TBC1D4: variants seen among roughly 807,000 people sequenced by gnomAD.
The protein encoded by TBC1D4 is TBC (Tre-2, BUB2, CDC16) domain-containing protein.
Under a neutral mutation model 142.5 loss-of-function variants are expected in TBC1D4, and 121 were observed. The observed-to-expected ratio is 0.85, with a 90% CI of 0.73 to 0.99. The LOEUF (loss-of-function observed/expected upper bound fraction) is 0.99, where lower values mean the gene tolerates loss of function less well. Among genes scored for constraint, TBC1D4 ranks in the 50% least tolerant of loss-of-function variants. The pLI is 0.00. For missense variants in TBC1D4, 1,475 were observed against 1,606.6 expected (o/e 0.92, Z 1.40); for synonymous variants, 630 against 628.2 (o/e 1.00, Z -0.04).
intron 4 of TBC1D4, among the ~76,000 whole-genome samples, chr13:75,350,237 T>C (rs1029824954): frequency 2.6e-5 from 4 of 152,204 alleles, no homozygotes; most frequent in African/African-American, 9.7e-5. Flanking sequence ...TCCAAACCAT[T>C]TACCATGCTT....
Position 75,320,031 on chromosome 13 carries a change from G to A in TBC1D4, c.2205C>T (p.Asp735=). 1 of 1,613,252 alleles carries A rather than the reference G, an allele frequency of 6.2e-7. No individual in the cohort carries two copies. Among genetic ancestry groups the A allele is most frequent in the Non-Finnish European group, 8.5e-7 (1 of 1,179,570 alleles). The change falls in exon 12 of 21, where the codon GAC becomes GAT. Residue 735 remains aspartate (D), a synonymous_variant. Transcript: ENST00000377636. ...CTAATCACCTTGATTCTGAAGCAGT[G>A]TCTTGTCTGGTACAACAGGAAAACA... The part of the protein sequence containing the change: ...SPQYENEIRQ[D]TASESSDGEG...
rs1879413169 is a variant in TBC1D4, at chr13:75,327,891, G to C, written c.1732-65C>G. Reference sequence around the variant, plus strand: ...AAAATTTTACTTCAAAACTATAAAAGGTAGTTCCAGGTGGTCTCTTAATGT... The same window carrying C: ...AAAATTTTACTTCAAAACTATAAAACGTAGTTCCAGGTGGTCTCTTAATGT... On this transcript the variant is annotated intron_variant, in intron 8 of 20. Transcript: ENST00000377636. 2.7e-6 allele frequency: 4 copies of C among 1,506,074 alleles called. No homozygotes were observed. In the East Asian group the frequency reaches 6.8e-5, roughly 26 times the overall value. The allele number at this position is 1,506,074 out of a possible 1,614,324, so 93.3% of individuals were successfully genotyped here.
rs1593883627 is a variant in TBC1D4, at chr13:75,301,700, C to T, written c.2911+543G>A. On this transcript the variant is annotated intron_variant, in intron 16 of 20. Transcript: ENST00000377636. ...TGTCACTGGAAATTCTCCGCCAGGT[C>T]ATGAGTACCCATTCCTACACTATTA... Among the ~76,000 whole-genome samples the T allele has an allele frequency of 2.6e-5, 4 of 152,036 alleles. No individual in the cohort carries two copies. The South Asian group carries it at 8.3e-4, about 32-fold the overall frequency.
chr13:75,319,454 G>A (rs531279184), intron 12 of TBC1D4, among the ~76,000 whole-genome samples: 1 of 152,264 alleles, frequency 6.6e-6, no homozygotes, highest in East Asian at 1.9e-4. Flanking sequence ...ACACAGATGT[G>A]GTCAAACTTC....
rs184988016 is a variant in TBC1D4 at position 75,439,506 on chromosome 13, C to T, written c.498+41764G>A. Reference sequence around the variant, plus strand: ...CAGAGTATTTAACAGAAATTGTAAACCACTATGTTCAAATCTTCATATAAA... The same window carrying T: ...CAGAGTATTTAACAGAAATTGTAAATCACTATGTTCAAATCTTCATATAAA... On this transcript the variant is annotated intron_variant, in intron 1 of 20. Transcript: ENST00000377636. Among the ~76,000 whole-genome samples the T allele has an allele frequency of 2.2e-3, 340 of 152,256 alleles. 3 individuals are homozygous for T. The highest frequency in any genetic ancestry group is 6.8e-3 in the South Asian group (33 of 4,820).
chr13:75,341,290 A>G (rs755448103), intron 6 of TBC1D4, 55 bp from the exon 7 acceptor site: 105 of 1,517,084 alleles, frequency 6.9e-5, no homozygotes, highest in Non-Finnish European at 9.1e-5. Flanking sequence ...CCCTCCTTTT[A>G]TTCTGTCGGG....
At chr13:75,379,887 CT>C (rs750734086) in intron 1 of TBC1D4, among the ~76,000 whole-genome samples, 6 of 98,602 alleles carry the variant, frequency 6.1e-5, no homozygotes, top group African/African-American at 2.1e-4. Flanking sequence ...TCATCTGACT[CT>C]TTTTTTTTTT....
chr13:75,331,677 C>T (rs954198439), intron 8 of TBC1D4, among the ~76,000 whole-genome samples: 4 of 151,968 alleles, frequency 2.6e-5, no homozygotes, highest in African/African-American at 9.7e-5. Context: ...CCCTTGGACT[C>T]GCTTTTTAGT....
chr13:75,339,372 G>A (rs1413101529), intron 7 of TBC1D4, among the ~76,000 whole-genome samples: 1 of 151,944 alleles, frequency 6.6e-6, no homozygotes, highest in Non-Finnish European at 1.5e-5. Context: ...TCTTTGTGGT[G>A]CAAATCTGAT....
intron 16 of TBC1D4, among the ~76,000 whole-genome samples, chr13:75,301,290 A>G (rs1876516887): frequency 6.6e-6 from 1 of 152,208 alleles, no homozygotes; most frequent in Non-Finnish European, 1.5e-5. Flanking sequence ...TAGAGACAAT[A>G]CAATCTTTAA....
At chr13:75,329,355 T>G (rs542812782) in intron 8 of TBC1D4, among the ~76,000 whole-genome samples, 1 of 152,170 alleles carries the variant, frequency 6.6e-6, no homozygotes, top group African/African-American at 2.4e-5. Flanking sequence ...GTTCACAATA[T>G]GGTCAAACAT....
intron 15 of TBC1D4, among the ~76,000 whole-genome samples, chr13:75,303,323 A>C (rs554203167): frequency 6.6e-6 from 1 of 152,204 alleles, no homozygotes; most frequent in African/African-American, 2.4e-5. Context: ...TCTAAAAAAA[A>C]AAGAAATAAT....
chr13:75,468,019 C>G (rs1191484317), intron 1 of TBC1D4, among the ~76,000 whole-genome samples: 1 of 152,078 alleles, frequency 6.6e-6, no homozygotes, highest in Non-Finnish European at 1.5e-5. Flanking sequence ...CATTCATTTC[C>G]CTTTTTGATT....
Position 75,308,164 on chromosome 13 carries a change from T to C in TBC1D4, c.2594-1693A>G, listed in dbSNP as rs75128138. On this transcript the variant is annotated intron_variant, in intron 14 of 20. Transcript: ENST00000377636. ...AATTATCCATTGGTTAGAATTTTCA[T>C]AGGTTAAACTATTTTTTATCTTTGT... Among the ~76,000 whole-genome samples, 480 of 152,344 alleles carry C rather than the reference T, an allele frequency of 3.2e-3. 2 individuals carry two copies. Among genetic ancestry groups the C allele is most frequent in the African/African-American group, 0.011 (453 of 41,582 alleles).
At chr13:75,454,997 A>T (rs1385952920) in intron 1 of TBC1D4, among the ~76,000 whole-genome samples, 1 of 152,202 alleles carries the variant, frequency 6.6e-6, no homozygotes, top group South Asian at 2.1e-4. Context: ...TGCTTTCCCT[A>T]GTTAAATATA....
At chr13:75,388,397 C>T (rs1453894223) in intron 1 of TBC1D4, among the ~76,000 whole-genome samples, 1 of 152,134 alleles carries the variant, frequency 6.6e-6, no homozygotes, top group African/African-American at 2.4e-5. Flanking sequence ...ATTTGGTATG[C>T]CATTCCCATT....
At chr13:75,408,842 T>C (rs1205819907) in intron 1 of TBC1D4, among the ~76,000 whole-genome samples, 4 of 152,218 alleles carry the variant, frequency 2.6e-5, no homozygotes, top group African/African-American at 9.6e-5. Flanking sequence ...GCATTTTTAA[T>C]GTGCTTATTG....
At position 75,450,178 on chromosome 13, in the gene TBC1D4, G is replaced by A. The variant is rs115049977; in HGVS notation, c.498+31092C>T. 3.5e-3 allele frequency among the ~76,000 whole-genome samples: 532 copies of A among 152,254 alleles called. 5 individuals are homozygous for A. Among genetic ancestry groups the A allele is most frequent in the African/African-American group, 0.011 (461 of 41,552 alleles). ...GTAATTTTATGGGTTTATTAAACCT[G>A]TATTTATTGAGCCCTACTTTACCTC... On this transcript the variant is annotated intron_variant, in intron 1 of 20. Transcript: ENST00000377636.
intron 19 of TBC1D4, among the ~76,000 whole-genome samples, chr13:75,290,537 T>G (rs1328430309): frequency 1.3e-5 from 2 of 152,114 alleles, no homozygotes; most frequent in Admixed American, 6.6e-5. Flanking sequence ...CTGATTCCAG[T>G]CAAGAAAGAT....
Sources: gnomAD v4.1 joint callset for allele counts (sites outside exome capture counted in the v4.1 genomes callset) on GRCh38, gnomAD v4.1.1 for gene constraint, MANE v1.5 for transcripts, NCBI Gene and HGNC (gene_info 2026-07-23, HGNC 2026-07-21) for gene names.